SCFD2: variants seen among roughly 807,000 people sequenced by gnomAD.
The protein encoded by SCFD2 is sec1 family domain-containing protein 2.
A neutral mutation model predicts 58.9 loss-of-function variants in SCFD2; 54 were observed. That is an observed-to-expected ratio of 0.92 (90% CI 0.74 to 1.15). SCFD2 has a LOEUF of 1.15. Ranked by LOEUF, SCFD2 falls within the 50% of genes most tolerant of loss-of-function variation. The pLI is 0.00. For missense variants in SCFD2, 805 were observed against 836.6 expected (o/e 0.96, Z 0.47); for synonymous variants, 321 against 335.9 (o/e 0.96, Z 0.49).
intron 4 of SCFD2, among the ~76,000 whole-genome samples, chr4:53,172,834 C>A (rs1317819643): frequency 6.6e-6 from 1 of 152,126 alleles, no homozygotes; most frequent in Non-Finnish European, 1.5e-5. Context: ...AGGTAATGTC[C>A]TATGTAAGTT....
chr4:53,027,928 A>G (rs1175973097), intron 5 of SCFD2, among the ~76,000 whole-genome samples: 5 of 151,746 alleles, frequency 3.3e-5, no homozygotes, highest in Non-Finnish European at 7.4e-5. Flanking sequence ...GGGATAGACT[A>G]TGGTAGCAAT....
chr4:53,345,328 C>CA (rs1425709612), intron 2 of SCFD2, among the ~76,000 whole-genome samples: 1 of 152,124 alleles, frequency 6.6e-6, no homozygotes, highest in Non-Finnish European at 1.5e-5. Context: ...TTTATGCAGC[C>CA]AACAGACACA....
intron 2 of SCFD2, among the ~76,000 whole-genome samples, chr4:53,341,178 G>A (rs190803295): frequency 2.0e-5 from 3 of 152,246 alleles, no homozygotes; most frequent in Non-Finnish European, 2.9e-5. Flanking sequence ...GAGGATGTTC[G>A]AAACCATCAC....
chr4:53,064,717 G>A (rs189685000), intron 5 of SCFD2, among the ~76,000 whole-genome samples: 7 of 152,222 alleles, frequency 4.6e-5, no homozygotes, highest in African/African-American at 1.7e-4. Flanking sequence ...AACAATCACA[G>A]TCTTAAAATA....
intron 4 of SCFD2, among the ~76,000 whole-genome samples, chr4:53,250,016 A>G (rs555287683): frequency 2.0e-5 from 3 of 152,320 alleles, no homozygotes; most frequent in Non-Finnish European, 4.4e-5. Context: ...AAATTGGATA[A>G]AGAGTCAAGA....
rs1239570815 is a variant in SCFD2, at chr4:52,873,254, A to G, written c.*715T>C. On this transcript the variant is annotated 3_prime_UTR_variant, in exon 9 of 9. Transcript: ENST00000401642. The stretch of plus-strand genomic sequence containing the variant: ...CCTGGGACCAGGTATCTTGTACTGG[A>G]GTCTTTCTTTGGAGGGGAGAAAACC... 3 of 152,232 alleles carry G rather than the reference A, an allele frequency of 2.0e-5. No individual in the cohort carries two copies. The highest frequency in any genetic ancestry group is 4.4e-5 in the Non-Finnish European group (3 of 68,042). 9.4% of individuals were successfully genotyped at this position (152,232 alleles called of 1,614,324 possible).
intron 4 of SCFD2, among the ~76,000 whole-genome samples, chr4:53,255,103 T>G (rs1730557462): frequency 6.6e-6 from 1 of 151,138 alleles, no homozygotes; most frequent in East Asian, 1.9e-4. Context: ...AATCTCCTGA[T>G]CTCGTGATCT....
chr4:52,918,191 G>A (rs1719652536), intron 6 of SCFD2, among the ~76,000 whole-genome samples: 1 of 152,214 alleles, frequency 6.6e-6, no homozygotes, highest in Non-Finnish European at 1.5e-5. Flanking sequence ...TGGTAGATGA[G>A]ATGAACAGAA....
At chr4:53,038,124 T>C (rs1207238512) in intron 5 of SCFD2, among the ~76,000 whole-genome samples, 1 of 152,202 alleles carries the variant, frequency 6.6e-6, no homozygotes, top group African/African-American at 2.4e-5. Context: ...TAACACAAAG[T>C]GACTCTTGGA....
At chr4:53,051,404 C>T (rs887460684) in intron 5 of SCFD2, among the ~76,000 whole-genome samples, 4 of 152,030 alleles carry the variant, frequency 2.6e-5, no homozygotes, top group Admixed American at 6.6e-5. Flanking sequence ...GGACCAGCAA[C>T]GGAGCCTCTC....
chr4:53,127,264 T>C (rs925017555), intron 5 of SCFD2, among the ~76,000 whole-genome samples: 26 of 152,234 alleles, frequency 1.7e-4, no homozygotes, highest in Admixed American at 1.4e-3. Flanking sequence ...CCAAACTTTC[T>C]ATTCTCCAAA....
chr4:53,127,709 A>T (rs1025259678), intron 5 of SCFD2, among the ~76,000 whole-genome samples: 7 of 152,132 alleles, frequency 4.6e-5, no homozygotes, highest in Non-Finnish European at 2.9e-5. Context: ...CAGGCAGTAT[A>T]ATATATTTAA....
chr4:53,269,268 T>G (rs1290333289), intron 4 of SCFD2, among the ~76,000 whole-genome samples: 1 of 152,182 alleles, frequency 6.6e-6, no homozygotes, highest in African/African-American at 2.4e-5. Flanking sequence ...GAGGCTACAC[T>G]AAGTGGTGAT....
At chr4:53,275,208 G>C (rs1265018835) in intron 3 of SCFD2, among the ~76,000 whole-genome samples, 1 of 152,168 alleles carries the variant, frequency 6.6e-6, no homozygotes, top group Non-Finnish European at 1.5e-5. Flanking sequence ...TTAATAAATG[G>C]TTTTTGCTAA....
At chr4:53,185,034 A>G (rs1454909509) in intron 4 of SCFD2, among the ~76,000 whole-genome samples, 1 of 152,144 alleles carries the variant, frequency 6.6e-6, no homozygotes, top group African/African-American at 2.4e-5. Context: ...AACATTACCA[A>G]TAGCTAATTG....
intron 5 of SCFD2, among the ~76,000 whole-genome samples, chr4:53,035,282 C>T (rs1226601933): frequency 6.6e-6 from 1 of 152,164 alleles, no homozygotes; most frequent in South Asian, 2.1e-4. Flanking sequence ...ATGCAGAAAA[C>T]TAAAACTGGA....
intron 2 of SCFD2, among the ~76,000 whole-genome samples, chr4:53,328,693 T>C (rs1470508162): frequency 6.6e-6 from 1 of 152,204 alleles, no homozygotes; most frequent in Non-Finnish European, 1.5e-5. Context: ...AAAATCACTA[T>C]TATCAGCCAT....
intron 2 of SCFD2, among the ~76,000 whole-genome samples, chr4:53,344,977 G>A (rs1182992922): frequency 3.3e-5 from 5 of 151,848 alleles, no homozygotes; most frequent in Admixed American, 6.6e-5. Flanking sequence ...TAAATATTAG[G>A]CCTAAAACCA....
intron 5 of SCFD2, among the ~76,000 whole-genome samples, chr4:53,108,169 A>C (rs1344420943): frequency 6.6e-6 from 1 of 152,218 alleles, no homozygotes; most frequent in African/African-American, 2.4e-5. Context: ...GTTCTTTGAA[A>C]TCAATGAGAA....
Sources: allele counts gnomAD v4.1 joint callset (sites outside exome capture counted in the v4.1 genomes callset), GRCh38; gene constraint gnomAD v4.1.1; transcripts MANE v1.5; gene names NCBI Gene and HGNC (gene_info 2026-07-23, HGNC 2026-07-21).